The following GPC6 variants were observed in gnomAD, a reference collection of about 807,000 sequenced individuals.
GPC6 encodes glypican 6, also known as glypican-6.
A neutral mutation model predicts 55.2 loss-of-function variants in GPC6; 14 were observed. That is an observed-to-expected ratio of 0.25 (90% CI 0.17 to 0.40). GPC6 has a LOEUF of 0.40. Ranked by LOEUF, GPC6 falls within the 10% of genes least tolerant of loss-of-function variation. The pLI, the probability that GPC6 is intolerant of heterozygous loss-of-function variation, is 1.00. For missense variants in GPC6, 641 were observed against 708.5 expected, an observed-to-expected ratio of 0.90 and a Z score of 1.08; for synonymous variants, 278 against 259.6, an observed-to-expected ratio of 1.07 and a Z score of -0.68.
intron 2 of GPC6, among the ~76,000 whole-genome samples, chr13:93,746,216 T>C (rs1242185589): frequency 6.6e-6 from 1 of 152,210 alleles, no homozygotes; most frequent in African/African-American, 2.4e-5. Context: ...CTGTCATAAT[T>C]GTAGGTGTCA....
At chr13:93,514,058 G>T (rs55646725) in intron 1 of GPC6, among the ~76,000 whole-genome samples, 1 of 151,840 alleles carries the variant, frequency 6.6e-6, no homozygotes, top group African/African-American at 2.4e-5. Flanking sequence ...ATTTTTAGTA[G>T]AAACAGAGTT....
At chr13:93,382,870 C>G (rs1875238526) in intron 1 of GPC6, among the ~76,000 whole-genome samples, 1 of 152,092 alleles carries the variant, frequency 6.6e-6, no homozygotes, top group Non-Finnish European at 1.5e-5. Flanking sequence ...GCAATATTTT[C>G]TTCATTCTCT....
intron 3 of GPC6, among the ~76,000 whole-genome samples, chr13:93,844,101 G>C (rs1012096617): frequency 6.6e-6 from 1 of 152,048 alleles, no homozygotes; most frequent in African/African-American, 2.4e-5. Context: ...AACTTGCAAA[G>C]TCTCCTTTAA....
chr13:93,560,345 CAAA>C lies in GPC6; in HGVS notation c.319+14942_319+14944del, dbSNP rs35073008. 1.6e-3 allele frequency among the ~76,000 whole-genome samples: 201 copies of C among 129,554 alleles called. 1 individual carries two copies. The highest frequency in any genetic ancestry group is 4.1e-3 in the Middle Eastern group (1 of 242). The allele number at this position is 129,554 out of a possible 152,430, so 85.0% of individuals were successfully genotyped here. On this transcript the variant is annotated intron_variant, in intron 2 of 8. Transcript: ENST00000377047. Reference sequence around the variant, plus strand: ...CAACACAGCGAAACAGTATCTCTACCAAAAAAAAAAAAAAAAAAAATTAACCAA... The same window carrying C: ...CAACACAGCGAAACAGTATCTCTACCAAAAAAAAAAAAAAAAATTAACCAA...
intron 5 of GPC6, among the ~76,000 whole-genome samples, chr13:94,302,490 T>G (rs751985404): frequency 2.6e-5 from 4 of 152,216 alleles, no homozygotes; most frequent in Non-Finnish European, 5.9e-5. Context: ...GACACAAATA[T>G]TCAGACACAT....
intron 1 of GPC6, among the ~76,000 whole-genome samples, chr13:93,241,826 T>TG (rs1239774963): frequency 2.1e-5 from 3 of 140,824 alleles, no homozygotes; most frequent in East Asian, 4.3e-4. Context: ...TTGACTGAAC[T>TG]GGGTTTTTTT....
intron 3 of GPC6, among the ~76,000 whole-genome samples, chr13:93,995,150 C>G (rs1481591330): frequency 6.7e-6 from 1 of 148,516 alleles, no homozygotes; most frequent in African/African-American, 2.5e-5. Context: ...ACATAGCACC[C>G]TGTACTTCAA....
chr13:93,697,196 C>T (rs8001159), intron 2 of GPC6, among the ~76,000 whole-genome samples: 70,992 of 151,912 alleles, frequency 0.47, 18,939 homozygotes, highest in Middle Eastern at 0.74. Flanking sequence ...CTTCCCTTCA[C>T]CCATTGCCTT....
At chr13:93,716,078 C>G in intron 2 of GPC6, among the ~76,000 whole-genome samples, 1 of 151,686 alleles carries the variant, frequency 6.6e-6, no homozygotes, top group Middle Eastern at 3.4e-3. Flanking sequence ...GTGCATTACT[C>G]ATGTGTTTGT....
At chr13:93,798,323 G>T (rs1173814074) in intron 2 of GPC6, among the ~76,000 whole-genome samples, 1 of 152,162 alleles carries the variant, frequency 6.6e-6, no homozygotes, top group African/African-American at 2.4e-5. Flanking sequence ...TGTTGAACAT[G>T]TATAAATGAC....
chr13:93,923,906 T>G (rs901499811), intron 3 of GPC6, among the ~76,000 whole-genome samples: 8 of 152,222 alleles, frequency 5.3e-5, no homozygotes, highest in Non-Finnish European at 1.2e-4. Context: ...TACTTATTAT[T>G]CAGCTTCTTA....
At position 93,656,053 on chromosome 13, in the gene GPC6, A is replaced by G. The variant is rs112256698; in HGVS notation, c.319+110632A>G. Reference sequence around the variant, plus strand: ...GAAGTAAAATTTTAAAGTACCTGAGACCTTGTCAATTTTTTGTTAAAACTG... The same window carrying G: ...GAAGTAAAATTTTAAAGTACCTGAGGCCTTGTCAATTTTTTGTTAAAACTG... On this transcript the variant is annotated intron_variant, in intron 2 of 8. Transcript: ENST00000377047. Among the ~76,000 whole-genome samples the G allele has an allele frequency of 8.7e-3, 1,324 of 152,250 alleles. 35 individuals carry two copies. Among genetic ancestry groups the G allele is most frequent in the African/African-American group, 0.03 (1,253 of 41,562 alleles).
At chr13:93,743,809 T>C (rs1884291451) in intron 2 of GPC6, among the ~76,000 whole-genome samples, 1 of 152,204 alleles carries the variant, frequency 6.6e-6, no homozygotes, top group Non-Finnish European at 1.5e-5. Flanking sequence ...GACCAATATT[T>C]AATATCCCTT....
chr13:93,510,035 C>G (rs1335577506), intron 1 of GPC6, among the ~76,000 whole-genome samples: 1 of 152,056 alleles, frequency 6.6e-6, no homozygotes, highest in Non-Finnish European at 1.5e-5. Flanking sequence ...CTGGGTTCTT[C>G]TGAATGTTTT....
chr13:94,200,155 TA>T (rs10708157), intron 4 of GPC6, among the ~76,000 whole-genome samples: 53,463 of 137,100 alleles, frequency 0.39, 11,141 homozygotes, highest in African/African-American at 0.6. Flanking sequence ...AAACTCTGTC[TA>T]AAAAAAAAAA....
At chr13:93,476,354 C>T (rs1879302610) in intron 1 of GPC6, among the ~76,000 whole-genome samples, 1 of 151,988 alleles carries the variant, frequency 6.6e-6, no homozygotes, top group Non-Finnish European at 1.5e-5. Context: ...CACTGGTCTT[C>T]AAAAGAATGC....
chr13:93,863,274 G>A (rs909722276), intron 3 of GPC6, among the ~76,000 whole-genome samples: 1 of 151,560 alleles, frequency 6.6e-6, no homozygotes, highest in Non-Finnish European at 1.5e-5. Flanking sequence ...ATTTTCATAT[G>A]AGCCATGGTT....
intron 1 of GPC6, among the ~76,000 whole-genome samples, chr13:93,437,760 T>C (rs765745266): frequency 2.6e-5 from 4 of 152,090 alleles, no homozygotes; most frequent in Non-Finnish European, 4.4e-5. Context: ...TCCAGAAAAA[T>C]AGAACTAAGA....
chr13:93,222,616 G>A (rs544040380), upstream of GPC6, among the ~76,000 whole-genome samples: 79 of 152,122 alleles, frequency 5.2e-4, no homozygotes, highest in African/African-American at 1.6e-3. Context: ...TTTGTTTTAT[G>A]TTTGAAAATC....
Sources: gnomAD v4.1 joint callset for allele counts (sites outside exome capture counted in the v4.1 genomes callset) on GRCh38, gnomAD v4.1.1 for gene constraint, MANE v1.5 for transcripts, NCBI Gene and HGNC (gene_info 2026-07-23, HGNC 2026-07-21) for gene names.